Variants in MALRD1 observed in about 807,000 individuals in gnomAD.
MALRD1 encodes the protein MAM and LDL receptor class A domain containing 1.
Under a neutral mutation model 242.1 loss-of-function variants are expected in MALRD1, and 247 were observed. The observed-to-expected ratio is 1.02, with a 90% CI of 0.92 to 1.13. MALRD1 has a LOEUF of 1.13. Ranked by LOEUF, MALRD1 falls within the 50% of genes most tolerant of loss-of-function variation. MALRD1 has a pLI of 0.00. For synonymous variants in MALRD1, 995 were observed against 866.6 expected (o/e 1.15, Z -2.60); for missense variants, 2,989 against 2,533.1 (o/e 1.18, Z -3.86).
chr10:19,287,170 C>T (rs866611092), intron 21 of MALRD1, among the ~76,000 whole-genome samples: 2 of 152,058 alleles, frequency 1.3e-5, no homozygotes, highest in South Asian at 4.1e-4. Context: ...AGCTGTCATT[C>T]CTTCAGTAAT....
At chr10:19,635,904 T>C (rs34265343) in intron 36 of MALRD1, among the ~76,000 whole-genome samples, 1 of 152,050 alleles carries the variant, frequency 6.6e-6, no homozygotes, top group Non-Finnish European at 1.5e-5. Context: ...TTATTTATTG[T>C]TAATTTTTTT....
Position 19,734,162 on chromosome 10 carries a change from T to C in MALRD1, c.6396T>C (p.Ser2132=). 6.5e-7 allele frequency: 1 copy of C among 1,532,552 alleles called. No individual in the cohort carries two copies. The highest frequency in any genetic ancestry group is 8.7e-7 in the Non-Finnish European group (1 of 1,145,708). The allele number at this position is 1,532,552 out of a possible 1,614,324, so 94.9% of individuals were successfully genotyped here. A position where few individuals can be genotyped will look rare whatever the true frequency, so the allele number is the denominator to read the frequency against. ...NWSNPEKTES[S]VYSFSNPLYG... Reference sequence around the variant, plus strand: ...AATGTGTTTTTCTTCGTCAGAGTTCTGTCTATTCCTTCTCAAACCCATTAT... The same window carrying C: ...AATGTGTTTTTCTTCGTCAGAGTTCCGTCTATTCCTTCTCAAACCCATTAT... Residue 2132 remains serine, a synonymous_variant, in exon 40 of 40, where the codon TCT becomes TCC. Transcript: ENST00000454679.
intron 11 of MALRD1, among the ~76,000 whole-genome samples, chr10:19,149,542 A>G (rs968707541): frequency 1.3e-5 from 2 of 152,180 alleles, no homozygotes; most frequent in African/African-American, 4.8e-5. Context: ...ATACATACAT[A>G]TTCAAAATTA....
intron 18 of MALRD1, among the ~76,000 whole-genome samples, chr10:19,250,937 T>C (rs114650874): frequency 0.014 from 2,194 of 151,988 alleles, 48 homozygotes; most frequent in African/African-American, 0.05. Context: ...CTTACATCTT[T>C]TTTGATTTCT....
At chr10:19,314,350 G>A (rs1342983172) in intron 21 of MALRD1, among the ~76,000 whole-genome samples, 1 of 151,680 alleles carries the variant, frequency 6.6e-6, no homozygotes, top group Non-Finnish European at 1.5e-5. Flanking sequence ...GCTTGAAAAT[G>A]AGGGTACATT....
At chr10:19,642,339 C>T (rs1840427220) in intron 36 of MALRD1, among the ~76,000 whole-genome samples, 1 of 152,066 alleles carries the variant, frequency 6.6e-6, no homozygotes, top group Non-Finnish European at 1.5e-5. Context: ...AGACTGTACT[C>T]ATGCTTTTGA....
At chr10:19,689,131 G>T (rs1249136169) in intron 36 of MALRD1, among the ~76,000 whole-genome samples, 1 of 152,176 alleles carries the variant, frequency 6.6e-6, no homozygotes, top group Non-Finnish European at 1.5e-5. Flanking sequence ...CTGACCTTAA[G>T]AAAGTTCATG....
At chr10:19,385,254 T>C (rs1159693902) in intron 26 of MALRD1, among the ~76,000 whole-genome samples, 5 of 152,076 alleles carry the variant, frequency 3.3e-5, no homozygotes, top group African/African-American at 7.2e-5. Context: ...GGCTTTGGTA[T>C]TGAGGTAATA....
intron 18 of MALRD1, among the ~76,000 whole-genome samples, chr10:19,233,982 G>T (rs1489406667): frequency 6.6e-6 from 1 of 151,872 alleles, no homozygotes; most frequent in Non-Finnish European, 1.5e-5. Flanking sequence ...TGCTGAATTT[G>T]ATAATTGGTG....
rs534524949 is a variant in MALRD1 at position 19,329,421 on chromosome 10, C to CCCA, written c.3687+1748_3687+1749insCCA. ...TATAATTTTATTTGGGACCCCCCCC[C>CCCA]AATTTAAACAAAATATTTAATTACA... On this transcript the variant is annotated intron_variant, in intron 23 of 39. Transcript: ENST00000454679. 3.3e-3 allele frequency among the ~76,000 whole-genome samples: 506 copies of CCCA among 151,682 alleles called. 3 individuals carry two copies. Among genetic ancestry groups the CCCA allele is most frequent in the African/African-American group, 0.012 (480 of 41,372 alleles).
intron 26 of MALRD1, among the ~76,000 whole-genome samples, chr10:19,376,542 C>CATTTTTTTTTTT (rs1554842468): frequency 1.3e-4 from 12 of 94,992 alleles, no homozygotes; most frequent in African/African-American, 4.0e-4. Flanking sequence ...TTGATACATT[C>CATTTTTTTTTTT]TTTTTTTTTT....
chr10:19,245,319 G>T (rs1050169710), intron 18 of MALRD1, among the ~76,000 whole-genome samples: 1 of 152,080 alleles, frequency 6.6e-6, no homozygotes. Context: ...TGATTTTTTT[G>T]TGTAGTCTTT....
At chr10:19,256,376 T>C (rs770681005) in intron 18 of MALRD1, among the ~76,000 whole-genome samples, 1 of 152,144 alleles carries the variant, frequency 6.6e-6, no homozygotes, top group East Asian at 1.9e-4. Context: ...AGTTTAGGTT[T>C]ATTGAAAATA....
intron 18 of MALRD1, among the ~76,000 whole-genome samples, chr10:19,247,751 A>G (rs1294812103): frequency 6.6e-6 from 1 of 152,082 alleles, no homozygotes; most frequent in Non-Finnish European, 1.5e-5. Flanking sequence ...GACAATAAAA[A>G]CTTTAAAGTT....
intron 36 of MALRD1, among the ~76,000 whole-genome samples, chr10:19,669,303 A>G (rs1385322602): frequency 6.6e-6 from 1 of 152,236 alleles, no homozygotes; most frequent in Non-Finnish European, 1.5e-5. Flanking sequence ...ATGGACTATG[A>G]ACATAGTATT....
chr10:19,503,726 AT>A (rs1838076994), intron 31 of MALRD1, among the ~76,000 whole-genome samples: 1 of 152,208 alleles, frequency 6.6e-6, no homozygotes, highest in Admixed American at 6.5e-5. Context: ...ATCTTTTGCT[AT>A]TGTTACGTCT....
At chr10:19,729,302 C>T (rs1220785487) in intron 38 of MALRD1, among the ~76,000 whole-genome samples, 1 of 152,186 alleles carries the variant, frequency 6.6e-6, no homozygotes. Context: ...TCAGTAAGAG[C>T]CCCCTTCTTG....
intron 18 of MALRD1, among the ~76,000 whole-genome samples, chr10:19,222,760 T>C (rs1837618153): frequency 6.6e-6 from 1 of 152,248 alleles, no homozygotes; most frequent in Non-Finnish European, 1.5e-5. Flanking sequence ...AGTTTTTTTT[T>C]GTTAAGTACC....
At chr10:19,413,903 A>T (rs551131608) in intron 28 of MALRD1, among the ~76,000 whole-genome samples, 42 of 151,626 alleles carry the variant, frequency 2.8e-4, no homozygotes, top group Non-Finnish European at 5.7e-4. Flanking sequence ...GTGAGCCGAG[A>T]TCGCACTACT....
Sources: gnomAD v4.1 joint callset for allele counts (sites outside exome capture counted in the v4.1 genomes callset) on GRCh38, gnomAD v4.1.1 for gene constraint, MANE v1.5 for transcripts, NCBI Gene and HGNC (gene_info 2026-07-23, HGNC 2026-07-21) for gene names.